Variants in ZNF385D observed in about 807,000 individuals in gnomAD.
ZNF385D encodes zinc finger protein 385D, also known as zinc finger protein 659.
A neutral mutation model predicts 35.8 loss-of-function variants in ZNF385D; 15 were observed. That is an observed-to-expected ratio of 0.42 (90% CI 0.28 to 0.64). The LOEUF (loss-of-function observed/expected upper bound fraction) is 0.64, where lower values mean the gene tolerates loss of function less well. ZNF385D is among the 30% of genes least tolerant of loss of function. The pLI, the probability that ZNF385D is intolerant of heterozygous loss-of-function variation, is 0.23. For synonymous variants in ZNF385D, 212 were observed against 186.8 expected, an observed-to-expected ratio of 1.13 and a Z score of -1.10; for missense variants, 474 against 494.6, an observed-to-expected ratio of 0.96 and a Z score of 0.39.
At chr3:21,694,325 G>A (rs535200918) in intron 1 of ZNF385D, among the ~76,000 whole-genome samples, 5 of 151,980 alleles carry the variant, frequency 3.3e-5, no homozygotes, top group East Asian at 1.9e-4. Flanking sequence ...GTGAGCCACC[G>A]CGCCCAGCCT....
chr3:21,473,517 C>T (rs1704035852), intron 4 of ZNF385D, among the ~76,000 whole-genome samples: 1 of 152,024 alleles, frequency 6.6e-6, no homozygotes, highest in Non-Finnish European at 1.5e-5. Context: ...CTCCCTGATA[C>T]TGCAAGTGGC....
chr3:22,238,789 GTGT>G (rs1699332269), intron 2 of ZNF385D, among the ~76,000 whole-genome samples: 1 of 150,846 alleles, frequency 6.6e-6, no homozygotes, highest in Admixed American at 6.6e-5. Context: ...CTGAGGTATA[GTGT>G]TGTGAACAGG....
chr3:21,609,065 G>C (rs1362838433), intron 2 of ZNF385D, among the ~76,000 whole-genome samples: 1 of 152,172 alleles, frequency 6.6e-6, no homozygotes, highest in Non-Finnish European at 1.5e-5. Flanking sequence ...AGTTACCTGG[G>C]AGTTGTTTTC....
intron 3 of ZNF385D, among the ~76,000 whole-genome samples, chr3:21,870,933 T>C (rs1308647391): frequency 6.6e-6 from 1 of 152,150 alleles, no homozygotes; most frequent in African/African-American, 2.4e-5. Flanking sequence ...GTTGCACTCT[T>C]GCTCTCCTTA....
chr3:21,939,501 T>A lies in ZNF385D; in HGVS notation c.325+229316A>T, dbSNP rs559554968. ...CACAAAAAAAACCATCCACCAATTA[T>A]ATATTGTAAATTATAAGTTGCATTG... is the stretch of plus-strand genomic sequence containing the variant. On this transcript the variant is annotated intron_variant, in intron 3 of 5. Transcript: ENST00000494108. Among the ~76,000 whole-genome samples, 43 of 152,282 alleles carry A rather than the reference T, an allele frequency of 2.8e-4. No individual in the cohort carries two copies. The Middle Eastern group carries it at 0.01, about 36-fold the overall frequency.
intron 2 of ZNF385D, among the ~76,000 whole-genome samples, chr3:22,338,903 G>T (rs1695297132): frequency 6.6e-6 from 1 of 151,848 alleles, no homozygotes; most frequent in African/African-American, 2.4e-5. Flanking sequence ...GTTTCACCAT[G>T]TTGGCCAGGC....
intron 3 of ZNF385D, among the ~76,000 whole-genome samples, chr3:21,940,026 T>C (rs1220871082): frequency 6.6e-6 from 1 of 152,218 alleles, no homozygotes; most frequent in Non-Finnish European, 1.5e-5. Flanking sequence ...AAATGAATTT[T>C]CTCTGAACAT....
intron 3 of ZNF385D, among the ~76,000 whole-genome samples, chr3:22,008,542 G>A (rs1696365745): frequency 6.6e-6 from 1 of 152,134 alleles, no homozygotes; most frequent in East Asian, 1.9e-4. Context: ...ATTTTTAGTA[G>A]AGACGGGGTT....
intron 3 of ZNF385D, among the ~76,000 whole-genome samples, chr3:21,826,465 G>A (rs764370262): frequency 2.0e-4 from 30 of 152,154 alleles, no homozygotes; most frequent in Non-Finnish European, 3.1e-4. Flanking sequence ...GCAACACAGA[G>A]GGTGATAGAG....
At chr3:22,040,909 AT>A (rs1698626968) in intron 3 of ZNF385D, among the ~76,000 whole-genome samples, 4 of 152,084 alleles carry the variant, frequency 2.6e-5, no homozygotes, top group Admixed American at 2.6e-4. Context: ...GGGAAGTTTT[AT>A]TTTAATTGAG....
intron 2 of ZNF385D, among the ~76,000 whole-genome samples, chr3:21,662,084 G>T (rs190082699): frequency 6.6e-6 from 1 of 152,246 alleles, no homozygotes; most frequent in East Asian, 1.9e-4. Context: ...GATCATCATG[G>T]ACTTTGCTTT....
chr3:21,892,604 A>G (rs73129308), intron 3 of ZNF385D, among the ~76,000 whole-genome samples: 1,825 of 152,300 alleles, frequency 0.012, 32 homozygotes, highest in African/African-American at 0.042. Flanking sequence ...TTTCCTACCA[A>G]AACAAGTCCT....
chr3:22,142,414 G>A (rs892250965), intron 3 of ZNF385D, among the ~76,000 whole-genome samples: 16 of 152,142 alleles, frequency 1.1e-4, no homozygotes, highest in Admixed American at 2.0e-4. Context: ...AATTGGTGAC[G>A]TATAATAAAA....
intron 2 of ZNF385D, among the ~76,000 whole-genome samples, chr3:22,286,563 T>G (rs1702035070): frequency 1.3e-5 from 2 of 152,122 alleles, no homozygotes; most frequent in African/African-American, 4.8e-5. Flanking sequence ...CTTAGCACTG[T>G]TTTTGACGCA....
intron 3 of ZNF385D, among the ~76,000 whole-genome samples, chr3:22,006,659 T>G (rs1696227233): frequency 6.6e-6 from 1 of 151,940 alleles, no homozygotes; most frequent in Admixed American, 6.6e-5. Flanking sequence ...AGAAGAGACA[T>G]TAAGAAATAA....
chr3:22,105,285 C>T (rs1014895011), intron 3 of ZNF385D, among the ~76,000 whole-genome samples: 1 of 150,710 alleles, frequency 6.6e-6, no homozygotes, highest in African/African-American at 2.4e-5. Flanking sequence ...CTTAATTAAA[C>T]TCAGTAATTA....
intron 2 of ZNF385D, among the ~76,000 whole-genome samples, chr3:22,176,216 G>T (rs1694823711): frequency 6.6e-6 from 1 of 151,932 alleles, no homozygotes; most frequent in South Asian, 2.1e-4. Flanking sequence ...TGTGTGTACA[G>T]CACAGCTAAC....
chr3:21,872,125 G>T (rs1697726513), intron 3 of ZNF385D, among the ~76,000 whole-genome samples: 1 of 152,046 alleles, frequency 6.6e-6, no homozygotes, highest in South Asian at 2.1e-4. Context: ...TTCATTTGTA[G>T]AAGTCTTTGT....
At chr3:22,073,374 G>A (rs984303743) in intron 3 of ZNF385D, among the ~76,000 whole-genome samples, 8 of 151,080 alleles carry the variant, frequency 5.3e-5, no homozygotes, top group African/African-American at 1.9e-4. Flanking sequence ...CTGAAGCAGG[G>A]TGGGGTGGGT....
Sources: gnomAD v4.1 joint callset for allele counts (sites outside exome capture counted in the v4.1 genomes callset) on GRCh38, gnomAD v4.1.1 for gene constraint, MANE v1.5 for transcripts, NCBI Gene and HGNC (gene_info 2026-07-23, HGNC 2026-07-21) for gene names.